GRID2: variants seen among roughly 807,000 people sequenced by gnomAD.
GRID2 encodes the protein glutamate receptor ionotropic, delta-2.
In GRID2, 33 loss-of-function variants were observed where a neutral mutation model predicts 114.8. That is an observed-to-expected ratio of 0.29 (90% CI 0.22 to 0.38). The LOEUF (loss-of-function observed/expected upper bound fraction) is 0.38. Among genes scored for constraint, GRID2 ranks in the 10% least tolerant of loss-of-function variants. GRID2 has a pLI of 1.00. For synonymous variants in GRID2, 505 were observed against 449.9 expected (o/e 1.12, Z -1.55); for missense variants, 1,184 against 1,257.7 (o/e 0.94, Z 0.89).
At chr4:93,300,755 T>TA (rs1393862728) in intron 8 of GRID2, among the ~76,000 whole-genome samples, 4 of 152,268 alleles carry the variant, frequency 2.6e-5, no homozygotes, top group Admixed American at 2.6e-4. Flanking sequence ...GCTACTGCCT[T>TA]AAAATCCGAG....
chr4:92,873,457 G>A (rs575875871), intron 2 of GRID2, among the ~76,000 whole-genome samples: 1 of 151,880 alleles, frequency 6.6e-6, no homozygotes, highest in South Asian at 2.1e-4. Flanking sequence ...TCATTTAAAT[G>A]TTATATTATT....
At chr4:92,709,991 A>G (rs1453127508) in intron 2 of GRID2, among the ~76,000 whole-genome samples, 1 of 152,098 alleles carries the variant, frequency 6.6e-6, no homozygotes, top group Admixed American at 6.6e-5. Context: ...TACAAATTTG[A>G]TTATCTAAAA....
At chr4:93,064,626 G>A (rs1728105345) in intron 2 of GRID2, among the ~76,000 whole-genome samples, 2 of 151,764 alleles carry the variant, frequency 1.3e-5, no homozygotes, top group African/African-American at 4.8e-5. Context: ...AAGCATCCTT[G>A]TGAATTACTA....
At chr4:93,396,424 G>A (rs1251913172) in intron 9 of GRID2, among the ~76,000 whole-genome samples, 2 of 151,988 alleles carry the variant, frequency 1.3e-5, no homozygotes, top group Non-Finnish European at 2.9e-5. Context: ...ATCACATTGT[G>A]TAGGGCTTAT....
intron 2 of GRID2, among the ~76,000 whole-genome samples, chr4:92,699,838 G>A (rs79293212): frequency 0.02 from 3,048 of 152,000 alleles, 42 homozygotes; most frequent in Non-Finnish European, 0.032. Context: ...ATAAAATTCT[G>A]TTATTTTTGG....
intron 2 of GRID2, among the ~76,000 whole-genome samples, chr4:92,627,518 C>G (rs1001051485): frequency 6.6e-6 from 1 of 152,026 alleles, no homozygotes; most frequent in Admixed American, 6.6e-5. Context: ...TGTACATTCT[C>G]TATAGCCAAT....
chr4:93,122,455 A>G lies in GRID2; in HGVS notation c.735+11502A>G, dbSNP rs188369127. On this transcript the variant is annotated intron_variant, in intron 4 of 15. Transcript: ENST00000282020. The stretch of plus-strand genomic sequence containing the variant: ...ATCCTATTGCTATGACCTATATATT[A>G]TTTTCTAATATGAAGCACATGACTT... Among the ~76,000 whole-genome samples, 26 of 152,208 alleles carry G rather than the reference A, an allele frequency of 1.7e-4. No homozygotes were observed. The East Asian group carries it at 4.1e-3, about 24-fold the overall frequency.
intron 2 of GRID2, among the ~76,000 whole-genome samples, chr4:92,842,508 AG>A (rs1193014023): frequency 6.6e-6 from 1 of 152,172 alleles, no homozygotes; most frequent in Admixed American, 6.6e-5. Flanking sequence ...TCTATTATTT[AG>A]AAATGTTTCT....
intron 1 of GRID2, among the ~76,000 whole-genome samples, chr4:92,357,802 A>G (rs1728403723): frequency 6.6e-6 from 1 of 151,922 alleles, no homozygotes; most frequent in Admixed American, 6.6e-5. Flanking sequence ...TTTAAAATAC[A>G]TATTTATTTG....
chr4:93,136,119 C>T lies in GRID2; in HGVS notation c.735+25166C>T, dbSNP rs183822033. Among the ~76,000 whole-genome samples, 46 of 152,158 alleles carry T rather than the reference C, an allele frequency of 3.0e-4. No homozygotes were observed. The East Asian group carries it at 8.5e-3, about 28-fold the overall frequency. The stretch of plus-strand genomic sequence containing the variant: ...ATAGATAAATAAGCTAATGTCCAGG[C>T]GGTTGTATAGCCTTTCCAACGTCAC... On this transcript the variant is annotated intron_variant, in intron 4 of 15. Transcript: ENST00000282020.
chr4:92,922,854 A>T (rs1011768415), intron 2 of GRID2, among the ~76,000 whole-genome samples: 3 of 152,198 alleles, frequency 2.0e-5, no homozygotes, highest in Non-Finnish European at 2.9e-5. Flanking sequence ...GAACTAATCT[A>T]TGCTGTTAGA....
chr4:93,442,600 A>C (rs1721721404), intron 10 of GRID2, among the ~76,000 whole-genome samples: 1 of 152,046 alleles, frequency 6.6e-6, no homozygotes. Flanking sequence ...TAGAGAAGAG[A>C]GAGACAGAAC....
At chr4:93,611,751 G>A (rs1462563013) in intron 13 of GRID2, among the ~76,000 whole-genome samples, 1 of 136,980 alleles carries the variant, frequency 7.3e-6, no homozygotes. Context: ...GGTCAATTTT[G>A]GAATAGGTGT....
chr4:93,490,686 G>A lies in GRID2; in HGVS notation c.1906G>A (p.Ala636Thr), dbSNP rs938931751. 2 of 1,609,968 alleles carry A rather than the reference G, an allele frequency of 1.2e-6. No individual in the cohort carries two copies. The highest frequency in any genetic ancestry group is 1.1e-5 in the South Asian group (1 of 90,928). ...TTLATRMMMG[A>T]WWLFALIVIS... ...TCTGGCTACCCGAATGATGATGGGG[G>A]CTTGGTGGCTATTTGCTTTGATTGT... Residue 636 changes from alanine (A) to threonine (T), a missense_variant, in exon 12 of 16, where the codon GCT becomes ACT. By Grantham distance (58) the Ala-to-Thr change is moderately conservative. Coordinates refer to ENST00000282020, the MANE Select transcript of GRID2 (RefSeq NM_001510.4).
intron 13 of GRID2, among the ~76,000 whole-genome samples, chr4:93,584,045 AT>A (rs1418411801): frequency 6.6e-6 from 1 of 152,180 alleles, no homozygotes; most frequent in Non-Finnish European, 1.5e-5. Context: ...ATTGGAAAGA[AT>A]TTTAGGGTTC....
At chr4:92,994,323 C>T (rs951195219) in intron 2 of GRID2, among the ~76,000 whole-genome samples, 7 of 151,956 alleles carry the variant, frequency 4.6e-5, no homozygotes, top group Non-Finnish European at 8.8e-5. Context: ...TAACATGTTT[C>T]GCACTTTAAG....
chr4:92,941,332 G>A (rs557179848), intron 2 of GRID2, among the ~76,000 whole-genome samples: 7 of 151,978 alleles, frequency 4.6e-5, no homozygotes, highest in Non-Finnish European at 8.8e-5. Flanking sequence ...TCCATTTCTT[G>A]TAGATTTTCT....
At chr4:93,492,607 T>C (rs1362663798) in intron 12 of GRID2, among the ~76,000 whole-genome samples, 1 of 151,820 alleles carries the variant, frequency 6.6e-6, no homozygotes, top group African/African-American at 2.4e-5. Flanking sequence ...TAGGTGACTT[T>C]TGTGTTATAG....
downstream of GRID2, among the ~76,000 whole-genome samples, chr4:93,775,168 C>G (rs1734342880): frequency 1.3e-5 from 2 of 149,372 alleles, no homozygotes; most frequent in Non-Finnish European, 3.0e-5. Flanking sequence ...AAATAGTTCT[C>G]TATTGTTCTA....
Sources: gnomAD v4.1 joint callset for allele counts (sites outside exome capture counted in the v4.1 genomes callset) on GRCh38, gnomAD v4.1.1 for gene constraint, MANE v1.5 for transcripts, NCBI Gene and HGNC (gene_info 2026-07-23, HGNC 2026-07-21) for gene names.